Variants in EXOC4 observed in about 807,000 individuals in gnomAD.
EXOC4 encodes the protein SEC8-like 1.
EXOC4 carries 71 observed loss-of-function variants against 107.2 expected under a neutral mutation model. The ratio of observed to expected loss-of-function variants is 0.66; its 90% CI spans 0.55 to 0.81. EXOC4 has a LOEUF of 0.81. Among genes scored for constraint, EXOC4 ranks in the 30% least tolerant of loss-of-function variants. The pLI is 0.00. For missense variants in EXOC4, 1,108 were observed against 1,189.6 expected (o/e 0.93, Z 1.01); for synonymous variants, 456 against 441.2 (o/e 1.03, Z -0.42).
chr7:133,917,882 C>A, intron 13 of EXOC4, 144 bp downstream of exon 13: 1 of 771,812 alleles, frequency 1.3e-6, no homozygotes, highest in Non-Finnish European at 2.0e-6. Flanking sequence ...TTCCTCCTGT[C>A]TCACCTCATT....
chr7:133,665,838 T>A (rs1278421484), intron 10 of EXOC4, among the ~76,000 whole-genome samples: 1 of 152,146 alleles, frequency 6.6e-6, no homozygotes, highest in African/African-American at 2.4e-5. Context: ...CATTTTTGTT[T>A]TGTCATTTTC....
chr7:133,922,721 G>C (rs1799963553), intron 13 of EXOC4, among the ~76,000 whole-genome samples: 1 of 152,046 alleles, frequency 6.6e-6, no homozygotes. Context: ...GGTGGCAGGT[G>C]CCTGTAGTCC....
At position 133,317,285 on chromosome 7, in the gene EXOC4, T is replaced by C. The variant is rs1229655082; in HGVS notation, c.658T>C (p.Ser220Pro). 6.2e-7 allele frequency: 1 copy of C among 1,610,634 alleles called. No individual in the cohort carries two copies. Among genetic ancestry groups the C allele is most frequent in the African/African-American group, 1.3e-5 (1 of 74,952 alleles). Residue 220 changes from serine (S) to proline (P), a missense_variant and splice_region_variant, in exon 5 of 18, where the codon TCC (serine) becomes CCC (proline). By Grantham distance (74) the Ser-to-Pro change is moderately conservative. Transcript: ENST00000253861. The stretch of plus-strand genomic sequence containing the variant: ...ACTAGTGCTTCTTTTCCCGTTCAGC[T>C]CCCTCGTGAAAGATGCTTCTGTTCC... ...QRNKEKGKISSLVKDASVPLI... is the reference protein window; with the variant it reads ...QRNKEKGKISPLVKDASVPLI...
intron 9 of EXOC4, among the ~76,000 whole-genome samples, chr7:133,559,322 T>A (rs1380521711): frequency 6.6e-6 from 1 of 152,206 alleles, no homozygotes; most frequent in African/African-American, 2.4e-5. Context: ...TTTCTTTGGT[T>A]AAGCTTTCTC....
At chr7:134,046,831 A>G (rs1795665551) in intron 17 of EXOC4, among the ~76,000 whole-genome samples, 1 of 152,124 alleles carries the variant, frequency 6.6e-6, no homozygotes. Flanking sequence ...ACAGGTCATT[A>G]CAAAAAACAG....
intron 9 of EXOC4, among the ~76,000 whole-genome samples, chr7:133,496,140 T>A (rs1329906459): frequency 6.6e-6 from 1 of 152,090 alleles, no homozygotes; most frequent in East Asian, 1.9e-4. Context: ...CAGTACAGCA[T>A]TTTTTGTTGT....
chr7:133,288,937 C>G lies in EXOC4; in HGVS notation c.292C>G (p.Leu98Val). 2 of 1,614,130 alleles carry G rather than the reference C, an allele frequency of 1.2e-6. No homozygotes were observed. The highest frequency in any genetic ancestry group is 1.1e-5 in the South Asian group (1 of 91,072). The change falls in exon 3 of 18, where the codon CTT becomes GTT. Residue 98 changes from leucine (L) to valine (V), a missense_variant. By Grantham distance (32) the Leu-to-Val change is conservative (BLOSUM62 1). Transcript: ENST00000253861. ...TTTATTGTAGGTAAAAGAGAACCTG[C>G]TTTCATGCAAGATGCTGCTGCACTG... The part of the protein sequence containing the change: ...NKIKQVKENL[L>V]SCKMLLHCKR...
At chr7:133,395,627 G>A (rs1419960745) in intron 7 of EXOC4, among the ~76,000 whole-genome samples, 1 of 152,084 alleles carries the variant, frequency 6.6e-6, no homozygotes, top group Non-Finnish European at 1.5e-5. Context: ...TCTGGAGGAA[G>A]TGAGTTTTAC....
At chr7:133,331,632 A>G (rs1795396199) in intron 5 of EXOC4, among the ~76,000 whole-genome samples, 6 of 151,762 alleles carry the variant, frequency 4.0e-5, no homozygotes, top group Admixed American at 3.9e-4. Flanking sequence ...CGCCCGGCTA[A>G]TTTTTTGTAT....
At chr7:133,875,330 C>T (rs1798825911) in intron 11 of EXOC4, among the ~76,000 whole-genome samples, 1 of 152,098 alleles carries the variant, frequency 6.6e-6, no homozygotes, top group African/African-American at 2.4e-5. Flanking sequence ...GGCGTGGAAA[C>T]CTATGCTAAA....
intron 12 of EXOC4, among the ~76,000 whole-genome samples, chr7:133,915,233 GATTCATTC>G (rs113597847): frequency 1.3e-4 from 20 of 150,180 alleles, no homozygotes; most frequent in East Asian, 4.0e-4. Context: ...GCAGGGAAGA[GATTCATTC>G]ATTCATTCAT....
Position 133,632,400 on chromosome 7 carries a change from G to A in EXOC4, c.1514+2259G>A, listed in dbSNP as rs188434545. On this transcript the variant is annotated intron_variant, in intron 10 of 17. Transcript: ENST00000253861. Reference sequence around the variant, plus strand: ...CCCAAAATATTATGTGGTCTGAAAGGTAAGTTCATTCTTTGATAAACGGAT... The same window carrying A: ...CCCAAAATATTATGTGGTCTGAAAGATAAGTTCATTCTTTGATAAACGGAT... Among the ~76,000 whole-genome samples the A allele has an allele frequency of 4.4e-3, 672 of 152,240 alleles. 6 individuals are homozygous for A. Among genetic ancestry groups the A allele is most frequent in the South Asian group, 0.021 (100 of 4,820 alleles).
At chr7:133,941,845 C>CTCTCTCTCTCTT (rs1800437854) in intron 14 of EXOC4, among the ~76,000 whole-genome samples, 1 of 151,964 alleles carries the variant, frequency 6.6e-6, no homozygotes, top group Non-Finnish European at 1.5e-5. Flanking sequence ...CTCTCTCTCT[C>CTCTCTCTCTCTT]TCTCTCGGAT....
intron 2 of EXOC4, among the ~76,000 whole-genome samples, chr7:133,281,377 T>C (rs899347087): frequency 6.2e-5 from 9 of 145,044 alleles, no homozygotes; most frequent in Non-Finnish European, 1.2e-4. Context: ...AAAAAAAGAC[T>C]CCATGGAAAA....
chr7:133,710,932 A>G (rs1404993760), intron 10 of EXOC4, among the ~76,000 whole-genome samples: 1 of 151,198 alleles, frequency 6.6e-6, no homozygotes, highest in Non-Finnish European at 1.5e-5. Context: ...AATCGCCACC[A>G]AGATATAAAA....
chr7:133,530,842 G>A (rs1800168609), intron 9 of EXOC4, among the ~76,000 whole-genome samples: 1 of 152,196 alleles, frequency 6.6e-6, no homozygotes, highest in Admixed American at 6.5e-5. Context: ...GAATGTGAAG[G>A]ATTGCAGTTC....
At chr7:133,581,056 T>A (rs567228361) in intron 9 of EXOC4, among the ~76,000 whole-genome samples, 45 of 152,330 alleles carry the variant, frequency 3.0e-4, no homozygotes, top group Admixed American at 1.9e-3. Flanking sequence ...TGTTGTATAA[T>A]ATATTGCTTT....
At chr7:133,273,102 T>C (rs1326877371) in intron 1 of EXOC4, among the ~76,000 whole-genome samples, 1 of 152,178 alleles carries the variant, frequency 6.6e-6, no homozygotes, top group African/African-American at 2.4e-5. Context: ...CCCTTACCTT[T>C]GGGACAGTTG....
chr7:133,810,982 G>A (rs73724759), intron 10 of EXOC4, among the ~76,000 whole-genome samples: 2,594 of 152,142 alleles, frequency 0.017, 72 homozygotes, highest in African/African-American at 0.059. Flanking sequence ...TTGCGTACTC[G>A]CATTTTTTGT....
Sources: allele counts gnomAD v4.1 joint callset (sites outside exome capture counted in the v4.1 genomes callset), GRCh38; gene constraint gnomAD v4.1.1; transcripts MANE v1.5; gene names NCBI Gene and HGNC (gene_info 2026-07-23, HGNC 2026-07-21).